TNRC6B: variants seen among roughly 807,000 people sequenced by gnomAD.
The protein encoded by TNRC6B is trinucleotide repeat containing adaptor 6B.
TNRC6B carries 52 observed loss-of-function variants against 203.6 expected under a neutral mutation model. The ratio of observed to expected loss-of-function variants is 0.26; its 90% CI spans 0.20 to 0.32. TNRC6B has a LOEUF of 0.32. Ranked by LOEUF, TNRC6B falls within the 10% of genes least tolerant of loss-of-function variation. The probability of loss-of-function intolerance (pLI) is 1.00; values close to 1 mark genes in which losing one functional copy is unlikely to be tolerated. For synonymous variants in TNRC6B, 838 were observed against 845.7 expected, an observed-to-expected ratio of 0.99 and a Z score of 0.16; for missense variants, 1,923 against 2,286.2, an observed-to-expected ratio of 0.84 and a Z score of 3.24.
At chr22:40,246,457 G>C (rs552197051) in intron 2 of TNRC6B, 89 of 166,652 alleles carry the variant, frequency 5.3e-4, no homozygotes, top group South Asian at 9.8e-4. Flanking sequence ...AGAGTGCTGA[G>C]ATTACAGGTG....
chr22:40,137,820 C>A (rs1196760351), intron 3 of TNRC6B, among the ~76,000 whole-genome samples: 1 of 151,862 alleles, frequency 6.6e-6, no homozygotes, highest in East Asian at 1.9e-4. Context: ...CGCATCTCTA[C>A]TAAAAATACA....
Position 40,199,558 on chromosome 22 carries a change from A to G in TNRC6B, c.5+21418A>G, listed in dbSNP as rs117975725. Among the ~76,000 whole-genome samples the G allele has an allele frequency of 2.2e-3, 331 of 152,284 alleles. 6 individuals carry two copies. In the East Asian group the frequency reaches 0.057, roughly 26 times the overall value. On this transcript the variant is annotated intron_variant, in intron 1 of 22. Coordinates refer to ENST00000454349, the MANE Select transcript of TNRC6B (RefSeq NM_001162501.2). ...TGTAATCCTCAAAAATTTCAGGGTC[A>G]TGAAAGTCAAAGCAAGACCAAAGAA...
chr22:40,251,691 C>A (rs963653596), intron 3 of TNRC6B, among the ~76,000 whole-genome samples: 3 of 151,742 alleles, frequency 2.0e-5, no homozygotes, highest in Non-Finnish European at 2.9e-5. Flanking sequence ...TACACTCCAG[C>A]CTGGGCAACA....
chr22:40,209,028 A>G (rs554917478), intron 1 of TNRC6B, among the ~76,000 whole-genome samples: 1 of 152,344 alleles, frequency 6.6e-6, no homozygotes, highest in African/African-American at 2.4e-5. Flanking sequence ...TATCAGAGCA[A>G]CAATATGCCT....
At chr22:40,170,086 T>G (rs2068957481) in intron 4 of TNRC6B, among the ~76,000 whole-genome samples, 1 of 150,652 alleles carries the variant, frequency 6.6e-6, no homozygotes. Context: ...TGGAGGTCAG[T>G]CTGAGCAACA....
intron 3 of TNRC6B, among the ~76,000 whole-genome samples, chr22:40,152,716 C>T (rs566549983): frequency 6.6e-6 from 1 of 152,256 alleles, no homozygotes; most frequent in Admixed American, 6.5e-5. Context: ...TGTGATCCGC[C>T]TGCCTCAGCC....
At chr22:40,287,354 T>C (rs779953037) in intron 12 of TNRC6B, among the ~76,000 whole-genome samples, 4 of 152,210 alleles carry the variant, frequency 2.6e-5, no homozygotes, top group Admixed American at 2.6e-4. Context: ...CTTAAAATAT[T>C]TATTTGAAAA....
chr22:40,054,608 A>G (rs919699438), intron 1 of TNRC6B, among the ~76,000 whole-genome samples: 4 of 152,368 alleles, frequency 2.6e-5, no homozygotes, highest in African/African-American at 7.2e-5. Context: ...GAAAATAGCT[A>G]CATGAATAAA....
chr22:40,090,149 T>C (rs1283211632), intron 1 of TNRC6B, among the ~76,000 whole-genome samples: 1 of 152,208 alleles, frequency 6.6e-6, no homozygotes, highest in African/African-American at 2.4e-5. Flanking sequence ...ACACCATGTG[T>C]GGGTTTTTGT....
At chr22:40,195,304 T>TA (rs1405841472) in intron 1 of TNRC6B, among the ~76,000 whole-genome samples, 1 of 152,150 alleles carries the variant, frequency 6.6e-6, no homozygotes, top group Non-Finnish European at 1.5e-5. Flanking sequence ...ATAGAGCAAA[T>TA]AGATCATCTG....
intron 1 of TNRC6B, among the ~76,000 whole-genome samples, chr22:40,113,512 G>A (rs990031844): frequency 1.3e-5 from 2 of 152,106 alleles, no homozygotes; most frequent in African/African-American, 4.8e-5. Flanking sequence ...ATACTACAAT[G>A]CTGGGCTAAT....
chr22:40,270,546 C>G (rs749415937), intron 6 of TNRC6B, among the ~76,000 whole-genome samples: 19 of 152,038 alleles, frequency 1.2e-4, no homozygotes, highest in Non-Finnish European at 1.6e-4. Context: ...TCTTGAACTC[C>G]TGTCCTTGTG....
At chr22:40,274,437 T>C (rs77106338) in intron 7 of TNRC6B, among the ~76,000 whole-genome samples, 1 of 151,818 alleles carries the variant, frequency 6.6e-6, no homozygotes, top group South Asian at 2.1e-4. Flanking sequence ...TTTTTTTTTT[T>C]TGAGACGGAG....
intron 3 of TNRC6B, among the ~76,000 whole-genome samples, chr22:40,155,301 T>C (rs2068809903): frequency 6.6e-6 from 1 of 152,130 alleles, no homozygotes; most frequent in Non-Finnish European, 1.5e-5. Flanking sequence ...GTTGTTGTTG[T>C]TGGGGGAGAC....
chr22:40,297,741 G>A (rs961349312), intron 12 of TNRC6B, among the ~76,000 whole-genome samples: 1 of 152,120 alleles, frequency 6.6e-6, no homozygotes, highest in Non-Finnish European at 1.5e-5. Context: ...AGAATTGCTT[G>A]AACCCAGGAG....
chr22:40,139,244 C>T (rs1464935020), intron 3 of TNRC6B, among the ~76,000 whole-genome samples: 1 of 151,810 alleles, frequency 6.6e-6, no homozygotes, highest in Non-Finnish European at 1.5e-5. Flanking sequence ...ATCATGTTTT[C>T]AAGGCTATCC....
chr22:40,057,916 A>G (rs1383050260), intron 1 of TNRC6B, among the ~76,000 whole-genome samples: 1 of 152,250 alleles, frequency 6.6e-6, no homozygotes, highest in Non-Finnish European at 1.5e-5. Flanking sequence ...CTAAATAAAG[A>G]CTTTCCTGTT....
chr22:40,064,536 T>C (rs1311209084), intron 1 of TNRC6B, among the ~76,000 whole-genome samples: 2 of 152,168 alleles, frequency 1.3e-5, no homozygotes, highest in Non-Finnish European at 2.9e-5. Flanking sequence ...ACTGATGTGG[T>C]ATATTACATT....
intron 3 of TNRC6B, among the ~76,000 whole-genome samples, chr22:40,150,725 C>T (rs1276674775): frequency 6.6e-6 from 1 of 152,132 alleles, no homozygotes; most frequent in African/African-American, 2.4e-5. Flanking sequence ...CCAGCTCTTC[C>T]CAAATTCATT....
Sources: allele counts gnomAD v4.1 joint callset (sites outside exome capture counted in the v4.1 genomes callset), GRCh38; gene constraint gnomAD v4.1.1; transcripts MANE v1.5; gene names NCBI Gene and HGNC (gene_info 2026-07-23, HGNC 2026-07-21).